EYS: variants seen among roughly 807,000 people sequenced by gnomAD.
EYS encodes the protein EGF-like photoreceptor maintenance factor, also known as protein eyes shut homolog.
EYS carries 250 observed loss-of-function variants against 282.1 expected under a neutral mutation model. That is an observed-to-expected ratio of 0.89 (90% CI 0.80 to 0.98). EYS has a LOEUF of 0.98. EYS is among the 50% of genes least tolerant of loss of function. The probability of loss-of-function intolerance (pLI) is 0.00; values close to 1 mark genes in which losing one functional copy is unlikely to be tolerated. For missense variants in EYS, 4,016 were observed against 3,709.0 expected (o/e 1.08, Z -2.15); for synonymous variants, 1,355 against 1,282.9 (o/e 1.06, Z -1.20).
intron 15 of EYS, among the ~76,000 whole-genome samples, chr6:64,937,556 C>T (rs1440916951): frequency 6.6e-6 from 1 of 151,496 alleles, no homozygotes; most frequent in Admixed American, 6.6e-5. Context: ...ATTATTAGTC[C>T]TTAGGGAGAT....
At chr6:63,952,062 C>T (rs768856222) in intron 35 of EYS, among the ~76,000 whole-genome samples, 1 of 152,218 alleles carries the variant, frequency 6.6e-6, no homozygotes, top group Non-Finnish European at 1.5e-5. Context: ...GTTGCAATTA[C>T]TTTCCTCCTC....
intron 2 of EYS, among the ~76,000 whole-genome samples, chr6:65,581,067 G>A (rs994519865): frequency 1.2e-4 from 18 of 151,962 alleles, no homozygotes. Flanking sequence ...GATCTCTTAA[G>A]GAATTATCTA....
intron 31 of EYS, among the ~76,000 whole-genome samples, chr6:64,208,430 A>G (rs1056994356): frequency 1.3e-5 from 2 of 152,198 alleles, no homozygotes; most frequent in South Asian, 2.1e-4. Flanking sequence ...ATGAAATCAA[A>G]CTGTCTTTAG....
chr6:63,956,222 C>T (rs1765813533), intron 35 of EYS, among the ~76,000 whole-genome samples: 1 of 152,172 alleles, frequency 6.6e-6, no homozygotes, highest in Non-Finnish European at 1.5e-5. Context: ...ACTGAAGAAT[C>T]ACAAAAGAAG....
At chr6:65,437,119 C>T (rs1032604418) in intron 5 of EYS, among the ~76,000 whole-genome samples, 1 of 151,994 alleles carries the variant, frequency 6.6e-6, no homozygotes, top group Non-Finnish European at 1.5e-5. Context: ...TTCTCTTTTT[C>T]TTTATACTAC....
intron 22 of EYS, among the ~76,000 whole-genome samples, chr6:64,678,267 G>T (rs1769762836): frequency 6.6e-6 from 1 of 152,104 alleles, no homozygotes; most frequent in Non-Finnish European, 1.5e-5. Context: ...TGTGACAAAA[G>T]GATACTGTGT....
rs532675021 is a variant in EYS, at chr6:65,004,634, C to T, written c.2138-6931G>A. ...ACAAGAATCACTAGCTTTGCAAGGT[C>T]CAAATTCACAGTGATAACTTGGAAA... On this transcript the variant is annotated intron_variant, in intron 13 of 42. Coordinates refer to ENST00000503581, the MANE Select transcript of EYS (RefSeq NM_001142800.2). 2.0e-5 allele frequency among the ~76,000 whole-genome samples: 3 copies of T among 147,782 alleles called. No individual in the cohort carries two copies. The South Asian group carries it at 6.6e-4, about 32-fold the overall frequency.
intron 15 of EYS, among the ~76,000 whole-genome samples, chr6:64,941,665 G>A (rs1034972662): frequency 3.9e-5 from 6 of 152,048 alleles, no homozygotes; most frequent in Non-Finnish European, 5.9e-5. Context: ...TTATGTCCAC[G>A]AGTACCCAGT....
intron 31 of EYS, among the ~76,000 whole-genome samples, chr6:64,108,758 C>T (rs76733444): frequency 0.042 from 6,384 of 152,088 alleles, 398 homozygotes; most frequent in African/African-American, 0.14. Flanking sequence ...TCCTCACTAA[C>T]GCTGTTGCCT....
At position 63,793,302 on chromosome 6, in the gene EYS, A is replaced by G. The variant is rs1770563198; in HGVS notation, c.7412-4078T>C. Among the ~76,000 whole-genome samples the G allele has an allele frequency of 3.9e-5, 6 of 152,356 alleles. No homozygotes were observed. The South Asian group carries it at 1.0e-3, about 26-fold the overall frequency. On this transcript the variant is annotated intron_variant, in intron 37 of 42. Transcript: ENST00000503581. ...TTTTCCTCTCACTCCTACCTTACTC[A>G]TCAGTAGCCAAAGGTCGAGAGTGTT...
At chr6:65,442,659 C>G (rs993088570) in intron 5 of EYS, among the ~76,000 whole-genome samples, 1 of 151,532 alleles carries the variant, frequency 6.6e-6, no homozygotes, top group East Asian at 1.9e-4. Context: ...GTGTCTGAGG[C>G]AGGAGAATTG....
chr6:65,404,061 C>G lies in EYS; in HGVS notation c.1056+1113G>C, dbSNP rs1256835515. Among the ~76,000 whole-genome samples, 3 of 151,950 alleles carry G rather than the reference C, an allele frequency of 2.0e-5. No individual in the cohort carries two copies. The East Asian group carries it at 5.8e-4, about 29-fold the overall frequency. ...CTGAAAAGTTTCAGAAGGCTAAAAC[C>G]AAGATGTCTGCTGTGTCCCTTCTGT... is the stretch of plus-strand genomic sequence containing the variant. On this transcript the variant is annotated intron_variant, in intron 6 of 42. Coordinates refer to ENST00000503581, the MANE Select transcript of EYS (RefSeq NM_001142800.2).
intron 26 of EYS, among the ~76,000 whole-genome samples, chr6:64,460,439 GTATGT>G (rs1200485231): frequency 8.5e-5 from 13 of 152,220 alleles, no homozygotes; most frequent in African/African-American, 3.1e-4. Context: ...TCTCAATAAT[GTATGT>G]TACAATTAAC....
At chr6:64,334,387 A>G (rs940079574) in intron 29 of EYS, among the ~76,000 whole-genome samples, 1 of 152,144 alleles carries the variant, frequency 6.6e-6, no homozygotes, top group Non-Finnish European at 1.5e-5. Context: ...AGGTGGAAAA[A>G]GAATCAGAAG....
At chr6:65,419,800 G>T (rs1582268120) in intron 5 of EYS, among the ~76,000 whole-genome samples, 1 of 151,880 alleles carries the variant, frequency 6.6e-6, no homozygotes, top group African/African-American at 2.4e-5. Context: ...TGGAGCTATT[G>T]CAGGTAGGTT....
intron 31 of EYS, among the ~76,000 whole-genome samples, chr6:64,190,655 T>C (rs1765075181): frequency 6.6e-6 from 1 of 152,200 alleles, no homozygotes; most frequent in Non-Finnish European, 1.5e-5. Flanking sequence ...TTTCCATTTG[T>C]GACAGCGATG....
At chr6:65,446,039 G>T (rs531113286) in intron 5 of EYS, among the ~76,000 whole-genome samples, 1 of 151,618 alleles carries the variant, frequency 6.6e-6, no homozygotes, top group South Asian at 2.1e-4. Flanking sequence ...TTAACCCAGA[G>T]GTTTTTTTAA....
chr6:64,018,005 G>A (rs1768978654), intron 33 of EYS, among the ~76,000 whole-genome samples: 1 of 152,116 alleles, frequency 6.6e-6, no homozygotes. Context: ...GATCCATGCA[G>A]TAGCATTTCT....
At chr6:65,374,756 T>G (rs994814796) in intron 8 of EYS, among the ~76,000 whole-genome samples, 10 of 151,960 alleles carry the variant, frequency 6.6e-5, no homozygotes, top group African/African-American at 2.4e-4. Flanking sequence ...TAGGAGAGTT[T>G]CCCCTGACCC....
Sources: gnomAD v4.1 joint callset for allele counts (sites outside exome capture counted in the v4.1 genomes callset) on GRCh38, gnomAD v4.1.1 for gene constraint, MANE v1.5 for transcripts, NCBI Gene and HGNC (gene_info 2026-07-23, HGNC 2026-07-21) for gene names.